The following VPS50 variants were observed in gnomAD, a reference collection of about 807,000 sequenced individuals.
VPS50 encodes syndetin.
VPS50 carries 70 observed loss-of-function variants against 139.7 expected under a neutral mutation model. That is an observed-to-expected ratio of 0.50 (90% CI 0.41 to 0.61). VPS50 has a LOEUF of 0.61. Ranked by LOEUF, VPS50 falls within the 20% of genes least tolerant of loss-of-function variation. The probability of loss-of-function intolerance (pLI) is 0.00; values close to 1 mark genes in which losing one functional copy is unlikely to be tolerated. For synonymous variants in VPS50, 365 were observed against 376.7 expected (o/e 0.97, Z 0.36); for missense variants, 921 against 1,133.7 (o/e 0.81, Z 2.69).
intron 22 of VPS50, among the ~76,000 whole-genome samples, chr7:93,334,909 T>C (rs1295747267): frequency 1.3e-5 from 2 of 152,230 alleles, no homozygotes; most frequent in Non-Finnish European, 2.9e-5. Context: ...CCACATCTAC[T>C]TTAACCCCAG....
intron 4 of VPS50, among the ~76,000 whole-genome samples, chr7:93,254,728 C>A (rs2116828641): frequency 6.6e-6 from 1 of 152,122 alleles, no homozygotes; most frequent in Middle Eastern, 3.4e-3. Context: ...CGGTAAAATT[C>A]TCTGATTGTA....
In VPS50 at chr7:93,311,290, T is replaced by A; in HGVS notation, c.1855+18T>A. ...ACTTGTTGGTAAGTAGCTACACCTT[T>A]AAAAAAAATTATAACAGTTAAATTA... is the stretch of plus-strand genomic sequence containing the variant. On this transcript the variant is annotated intron_variant, in intron 20 of 27. Transcript: ENST00000305866. 1.1e-6 allele frequency: 1 copy of A among 896,444 alleles called. No individual in the cohort carries two copies. The allele number at this position is 896,444 out of a possible 1,614,324, so 55.5% of individuals were successfully genotyped here.
At chr7:93,236,542 T>C (rs1794805690) in intron 1 of VPS50, among the ~76,000 whole-genome samples, 1 of 152,244 alleles carries the variant, frequency 6.6e-6, no homozygotes, top group Non-Finnish European at 1.5e-5. Flanking sequence ...CTGAATTTTC[T>C]ATATGTCTAA....
chr7:93,330,761 CAAAAAAAA>C (rs57338525), intron 21 of VPS50, among the ~76,000 whole-genome samples: 2 of 83,706 alleles, frequency 2.4e-5, no homozygotes, highest in African/African-American at 5.2e-5. Flanking sequence ...GACCCTGTCT[CAAAAAAAA>C]AAAAAAAAAA....
At chr7:93,341,839 T>TA (rs939666921) in intron 23 of VPS50, among the ~76,000 whole-genome samples, 9 of 152,220 alleles carry the variant, frequency 5.9e-5, no homozygotes, top group African/African-American at 2.2e-4. Context: ...AGTACAACTT[T>TA]AAAAAGCATT....
Position 93,361,019 on chromosome 7 carries a change from A to G in VPS50, c.*2583A>G. 1 of 151,886 alleles carries G rather than the reference A, an allele frequency of 6.6e-6. No individual in the cohort carries two copies. The highest frequency in any genetic ancestry group is 1.9e-4 in the East Asian group (1 of 5,202). The allele number at this position is 151,886 out of a possible 1,614,324, so 9.4% of individuals were successfully genotyped here. ...CTGAGTGCTAAAGTGAAACTTTGTT[A>G]GATTAAATAGCTTTTTCTTAACTCA... On this transcript the variant is annotated 3_prime_UTR_variant, in exon 28 of 28. Transcript: ENST00000305866.
intron 23 of VPS50, among the ~76,000 whole-genome samples, chr7:93,342,617 G>A (rs960582553): frequency 3.9e-5 from 6 of 152,192 alleles, no homozygotes; most frequent in African/African-American, 1.2e-4. Context: ...CTCCCAGCAC[G>A]CAGCTGGAGA....
intron 1 of VPS50, among the ~76,000 whole-genome samples, chr7:93,238,131 T>G (rs1794873480): frequency 6.6e-6 from 1 of 152,200 alleles, no homozygotes; most frequent in South Asian, 2.1e-4. Flanking sequence ...ATAATGTATA[T>G]AGAAGTGTAG....
At chr7:93,327,038 A>G (rs1797802276) in intron 21 of VPS50, among the ~76,000 whole-genome samples, 2 of 152,188 alleles carry the variant, frequency 1.3e-5, no homozygotes, top group Admixed American at 6.5e-5. Flanking sequence ...CACTAAATAA[A>G]TATTGAGGAA....
chr7:93,247,145 G>A (rs1795179910), intron 2 of VPS50, among the ~76,000 whole-genome samples: 1 of 151,828 alleles, frequency 6.6e-6, no homozygotes, highest in Admixed American at 6.6e-5. Context: ...TGCATGTTGT[G>A]ACTGCTGGAA....
At chr7:93,339,119 T>G (rs1266483205) in intron 22 of VPS50, among the ~76,000 whole-genome samples, 1 of 152,164 alleles carries the variant, frequency 6.6e-6, no homozygotes, top group African/African-American at 2.4e-5. Context: ...ATTTTGTGAA[T>G]TTTTATTCTC....
At chr7:93,308,393 C>G (rs1483064092) in intron 18 of VPS50, among the ~76,000 whole-genome samples, 2 of 151,836 alleles carry the variant, frequency 1.3e-5, no homozygotes, top group Non-Finnish European at 2.9e-5. Context: ...ATGTGTGTTG[C>G]ATGTGTTTAT....
At position 93,306,866 on chromosome 7, in the gene VPS50, A is replaced by G. The variant is rs992677603; in HGVS notation, c.1629+862A>G. 7.9e-5 allele frequency among the ~76,000 whole-genome samples: 12 copies of G among 151,834 alleles called. 1 individual carries two copies. Among genetic ancestry groups the G allele is most frequent in the Admixed American group, 7.9e-4 (12 of 15,208 alleles). ...TCTTTATATTTTATGTTAGTTTTAG[A>G]ATTTATTTTTCATTTGGTGAAGACA... On this transcript the variant is annotated intron_variant, in intron 18 of 27. Transcript: ENST00000305866.
At position 93,350,017 on chromosome 7, in the gene VPS50, T is replaced by A. The variant is rs368046857; in HGVS notation, c.2447T>A (p.Val816Glu). The A allele has an allele frequency of 6.2e-7, 1 of 1,612,108 alleles. No individual in the cohort carries two copies. Among genetic ancestry groups the A allele is most frequent in the Non-Finnish European group, 8.5e-7 (1 of 1,178,904 alleles). Residue 816 changes from valine to glutamate, a missense_variant, in exon 25 of 28, where the codon GTA becomes GAA. By Grantham distance (121) the Val-to-Glu change is moderately radical. Coordinates refer to ENST00000305866, the MANE Select transcript of VPS50 (RefSeq NM_017667.4). The part of the protein sequence containing the change: ...KEIMSQHNIY[V>E]DALLKEFEQF... ...ATTATGTCACAGCACAACATATATG[T>A]AGATGCACTATTAAAGGCAAGTGTT...
chr7:93,354,319 A>T (rs1798639271), intron 26 of VPS50, among the ~76,000 whole-genome samples: 1 of 140,762 alleles, frequency 7.1e-6, no homozygotes. Flanking sequence ...TTTTTGAGAC[A>T]GTCTTGTTTT....
intron 15 of VPS50, 58 bp from the exon 16 acceptor site, chr7:93,297,087 C>T: frequency 6.6e-7 from 1 of 1,524,128 alleles, no homozygotes; most frequent in Non-Finnish European, 8.7e-7. Context: ...AGAAACCACA[C>T]TTCTTTTTCT....
In VPS50 at chr7:93,246,200, C is replaced by G. The variant is rs1795148420; in HGVS notation, c.102+6266C>G. ...ATGTTGACGAATGAAGAAATGCAAA[C>G]AGTAAAAAAAAGTCTTTGATCAAAG... On this transcript the variant is annotated intron_variant, in intron 2 of 27. Coordinates refer to ENST00000305866, the MANE Select transcript of VPS50 (RefSeq NM_017667.4). 18 of 973,364 alleles carry G rather than the reference C, an allele frequency of 1.8e-5. 1 individual carries two copies. In the South Asian group the frequency reaches 2.7e-4, roughly 14 times the overall value. 60.3% of individuals were successfully genotyped at this position (973,364 alleles called of 1,614,324 possible).
intron 19 of VPS50, among the ~76,000 whole-genome samples, chr7:93,310,833 T>A (rs1362855497): frequency 1.3e-5 from 2 of 152,078 alleles, no homozygotes; most frequent in African/African-American, 4.8e-5. Flanking sequence ...TAGGAGGGTA[T>A]TTTTTCATAA....
intron 21 of VPS50, among the ~76,000 whole-genome samples, chr7:93,326,628 A>ATATC (rs1315615488): frequency 6.6e-6 from 1 of 152,014 alleles, no homozygotes; most frequent in South Asian, 2.1e-4. Flanking sequence ...CTTATTGAGT[A>ATATC]TATCTTTTTC....
Sources: allele counts gnomAD v4.1 joint callset (sites outside exome capture counted in the v4.1 genomes callset), GRCh38; gene constraint gnomAD v4.1.1; transcripts MANE v1.5; gene names NCBI Gene and HGNC (gene_info 2026-07-23, HGNC 2026-07-21).